Variants in ATP6V1G2 observed in about 807,000 individuals in gnomAD.
ATP6V1G2 encodes ATPase H+ transporting V1 subunit G2.
A neutral mutation model predicts 17.8 loss-of-function variants in ATP6V1G2; 14 were observed. The ratio of observed to expected loss-of-function variants is 0.79; its 90% CI spans 0.52 to 1.23. The LOEUF is 1.23. ATP6V1G2 is among the 50% of genes most tolerant of loss of function. ATP6V1G2 has a pLI of 0.00. For synonymous variants in ATP6V1G2, 57 were observed against 54.8 expected (o/e 1.04, Z -0.17); for missense variants, 112 against 152.2 (o/e 0.74, Z 1.39).
chr6:31,546,719 C>G (rs1769032201), upstream of ATP6V1G2: 1 of 630,104 alleles, frequency 1.6e-6, no homozygotes, highest in Non-Finnish European at 2.8e-6. This position sits in a 1 kb window ranked among gnomAD's most constrained non-coding sequence, Gnocchi z 4.1. Context: ...CACCGAGTGT[C>G]TCTCCCAATC....
chr6:31,546,252 C>T lies in ATP6V1G2; in HGVS notation c.83-43G>A, dbSNP rs1429744953. ...GACAGTGAGTGGGGATGGACCCACA[C>T]ACACACAATGTAATAGCAGGAGTCA... On this transcript the variant is annotated intron_variant, in intron 1 of 2. Coordinates refer to ENST00000303892, the MANE Select transcript of ATP6V1G2 (RefSeq NM_130463.4). This position sits in a 1 kb window ranked among gnomAD's most constrained non-coding sequence, Gnocchi z 4.1. 8 of 1,560,900 alleles carry T rather than the reference C, an allele frequency of 5.1e-6. No homozygotes were observed. Among genetic ancestry groups the T allele is most frequent in the Non-Finnish European group, 6.2e-6 (7 of 1,133,250 alleles).
rs1768924090 is a variant in ATP6V1G2 at position 31,545,698 on chromosome 6, A to G, written c.184-117T>C. The G allele has an allele frequency of 8.8e-7, 1 of 1,132,026 alleles. No individual in the cohort carries two copies. The highest frequency in any genetic ancestry group is 1.6e-5 in the African/African-American group (1 of 63,776). The allele number at this position is 1,132,026 out of a possible 1,614,324, so 70.1% of individuals were successfully genotyped here. Reference sequence around the variant, plus strand: ...GCCTAGAAGAAAGGCCCTCTCAGAAACCACCCCCATCCCACAGAAATATCC... The same window carrying G: ...GCCTAGAAGAAAGGCCCTCTCAGAAGCCACCCCCATCCCACAGAAATATCC... On this transcript the variant is annotated intron_variant, in intron 2 of 2. Transcript: ENST00000303892. The surrounding 1 kb of genome is among the most constrained non-coding windows in gnomAD (Gnocchi z 4.9).
chr6:31,546,598 A>G lies in ATP6V1G2; in HGVS notation c.-39T>C, dbSNP rs912754704. ...GCCGATGCTGTTTTGAATGCTGTCA[A>G]AGTACCAGATGGCTCCCACCCCCCA... On this transcript the variant is annotated 5_prime_UTR_variant, in exon 1 of 3. Transcript: ENST00000303892. The surrounding 1 kb of genome is among the most constrained non-coding windows in gnomAD (Gnocchi z 4.1). 6.3e-7 allele frequency: 1 copy of G among 1,588,832 alleles called. No homozygotes were observed.
chr6:31,545,944 C>T lies in ATP6V1G2; in HGVS notation c.183+165G>A. ...GTGGCCTTCAAAACTCCCAGACTCTCCTACATATCATCACAAAGTTTCACC... is the reference window on the plus strand; with the variant it reads ...GTGGCCTTCAAAACTCCCAGACTCTTCTACATATCATCACAAAGTTTCACC... On this transcript the variant is annotated intron_variant, in intron 2 of 2. Coordinates refer to ENST00000303892, the MANE Select transcript of ATP6V1G2 (RefSeq NM_130463.4). This position sits in a 1 kb window ranked among gnomAD's most constrained non-coding sequence, Gnocchi z 4.9. The T allele has an allele frequency of 1.4e-6, 1 of 700,738 alleles. No homozygotes were observed. Among genetic ancestry groups the T allele is most frequent in the Non-Finnish European group, 2.5e-6 (1 of 399,862 alleles). 43.4% of individuals were successfully genotyped at this position (700,738 alleles called of 1,614,324 possible). A position where few individuals can be genotyped will look rare whatever the true frequency, so the allele number is the denominator to read the frequency against.
chr6:31,546,734 C>A, upstream of ATP6V1G2: 1 of 616,986 alleles, frequency 1.6e-6, no homozygotes, highest in South Asian at 1.9e-5. This position sits in a 1 kb window ranked among gnomAD's most constrained non-coding sequence, Gnocchi z 4.1. Flanking sequence ...CCAATCTCAT[C>A]CTCCTATTGA....
Position 31,546,037 on chromosome 6 carries a change from A to T in ATP6V1G2, c.183+72T>A. 6.8e-7 allele frequency: 1 copy of T among 1,461,638 alleles called. No homozygotes were observed. Among genetic ancestry groups the T allele is most frequent in the Non-Finnish European group, 9.6e-7 (1 of 1,041,986 alleles). 90.5% of individuals were successfully genotyped at this position (1,461,638 alleles called of 1,614,324 possible). On this transcript the variant is annotated intron_variant, in intron 2 of 2. Transcript: ENST00000303892. The surrounding 1 kb of genome is among the most constrained non-coding windows in gnomAD (Gnocchi z 4.1). ...TGCCACCATATTTTCTTGTTGAGTC[A>T]CCCTTACACACCTCACTAGATGCAC...
At position 31,544,708 on chromosome 6, in the gene ATP6V1G2, A is replaced by AT. The variant is rs776555857; in HGVS notation, c.*699_*700insA. Reference sequence around the variant, plus strand: ...AATGCAGTTATCTACCTGGAATTATAAGAGAGGGGCTAAATGTAGTCATCT... The same window carrying AT: ...AATGCAGTTATCTACCTGGAATTATATAGAGAGGGGCTAAATGTAGTCATCT... On this transcript the variant is annotated 3_prime_UTR_variant, in exon 3 of 3. Transcript: ENST00000303892. 45 of 456,628 alleles carry AT rather than the reference A, an allele frequency of 9.9e-5. No individual in the cohort carries two copies. Among genetic ancestry groups the AT allele is most frequent in the Non-Finnish European group, 1.9e-4 (42 of 226,972 alleles). The allele number at this position is 456,628 out of a possible 1,614,324, so 28.3% of individuals were successfully genotyped here.
Position 31,544,943 on chromosome 6 carries a change from G to C in ATP6V1G2, c.*465C>G, listed in dbSNP as rs2071594. ...TCACTGCTACAACATGCAAGGAACT[G>C]TGCTAGACTTTACAGAATGATTCCT... On this transcript the variant is annotated 3_prime_UTR_variant, in exon 3 of 3. Transcript: ENST00000303892. 0.36 allele frequency: 129,686 copies of C among 360,030 alleles called. 24,205 individuals carry two copies. Among genetic ancestry groups the C allele is most frequent in the African/African-American group, 0.5 (23,609 of 46,982 alleles). 22.3% of individuals were successfully genotyped at this position (360,030 alleles called of 1,614,324 possible).
chr6:31,545,821 A>T lies in ATP6V1G2; in HGVS notation c.184-240T>A, dbSNP rs989180003. ...TAATATCCCCACCACCTCACCATCC[A>T]TGACCATAAAACTCTACCCTCCACC... On this transcript the variant is annotated intron_variant, in intron 2 of 2. Transcript: ENST00000303892. This position sits in a 1 kb window ranked among gnomAD's most constrained non-coding sequence, Gnocchi z 4.9. The T allele has an allele frequency of 1.6e-6, 1 of 614,986 alleles. No individual in the cohort carries two copies. The highest frequency in any genetic ancestry group is 2.9e-5 in the Admixed American group (1 of 34,034). 38.1% of individuals were successfully genotyped at this position (614,986 alleles called of 1,614,324 possible).
chr6:31,546,591 G>A lies in ATP6V1G2; in HGVS notation c.-32C>T. The A allele has an allele frequency of 6.3e-7, 1 of 1,599,480 alleles. No homozygotes were observed. ...TGTTATGGCCGATGCTGTTTTGAAT[G>A]CTGTCAAAGTACCAGATGGCTCCCA... On this transcript the variant is annotated 5_prime_UTR_variant, in exon 1 of 3. Transcript: ENST00000303892. This position sits in a 1 kb window ranked among gnomAD's most constrained non-coding sequence, Gnocchi z 4.1.
At chr6:31,546,690 C>A, upstream of ATP6V1G2, 3 of 757,924 alleles carry the variant, frequency 4.0e-6, no homozygotes, top group Admixed American at 6.3e-5. This position sits in a 1 kb window ranked among gnomAD's most constrained non-coding sequence, Gnocchi z 4.1. Flanking sequence ...TAGTGCTCCC[C>A]TGCTCACTCA....
Position 31,545,095 on chromosome 6 carries a change from AG to A in ATP6V1G2, c.*312del, listed in dbSNP as rs1562437829. On this transcript the variant is annotated 3_prime_UTR_variant, in exon 3 of 3. Transcript: ENST00000303892. This position sits in a 1 kb window ranked among gnomAD's most constrained non-coding sequence, Gnocchi z 4.9. ...AGCCAGCAAGTGACAGGGTCAAGAG[AG>A]GGACCCACATCGGCCAGACACTGAA... is the stretch of plus-strand genomic sequence containing the variant. 4.1e-6 allele frequency: 2 copies of A among 493,180 alleles called. No individual in the cohort carries two copies. Among genetic ancestry groups the A allele is most frequent in the African/African-American group, 3.8e-5 (2 of 52,076 alleles). The allele number at this position is 493,180 out of a possible 1,614,324, so 30.6% of individuals were successfully genotyped here.
In ATP6V1G2 at chr6:31,545,668, A is replaced by G; in HGVS notation, c.184-87T>C. 7.0e-7 allele frequency: 1 copy of G among 1,430,850 alleles called. No individual in the cohort carries two copies. The highest frequency in any genetic ancestry group is 9.4e-7 in the Non-Finnish European group (1 of 1,068,752). 88.6% of individuals were successfully genotyped at this position (1,430,850 alleles called of 1,614,324 possible). On this transcript the variant is annotated intron_variant, in intron 2 of 2. Transcript: ENST00000303892. The surrounding 1 kb of genome is among the most constrained non-coding windows in gnomAD (Gnocchi z 4.9). ...GGCATATGAGGGGAAAGATCCTGAA[A>G]CAAAGCCTAGAAGAAAGGCCCTCTC... is the stretch of plus-strand genomic sequence containing the variant.
In ATP6V1G2 at chr6:31,545,972, T is replaced by C; in HGVS notation, c.183+137A>G. 1.2e-6 allele frequency: 1 copy of C among 814,540 alleles called. No homozygotes were observed. Among genetic ancestry groups the C allele is most frequent in the South Asian group, 1.5e-5 (1 of 66,496 alleles). 50.5% of individuals were successfully genotyped at this position (814,540 alleles called of 1,614,324 possible). On this transcript the variant is annotated intron_variant, in intron 2 of 2. Coordinates refer to ENST00000303892, the MANE Select transcript of ATP6V1G2 (RefSeq NM_130463.4). The surrounding 1 kb of genome is among the most constrained non-coding windows in gnomAD (Gnocchi z 4.9). ...ACATATCATCACAAAGTTTCACCAA[T>C]GTTGTGGTCCCTGCCAGGGTCCCCT...
rs1429660183 is a variant in ATP6V1G2 at position 31,545,494 on chromosome 6, T to C, written c.271A>G (p.Asn91Asp). 6.2e-7 allele frequency: 1 copy of C among 1,613,956 alleles called. No individual in the cohort carries two copies. Among genetic ancestry groups the C allele is most frequent in the East Asian group, 2.2e-5 (1 of 44,892 alleles). ...AGCTGGGCCAGGACACGCTCTCGGTTTCTCTGCTGGGAGCTCTGCATGCCC... is the reference window on the plus strand; with the variant it reads ...AGCTGGGCCAGGACACGCTCTCGGTCTCTCTGCTGGGAGCTCTGCATGCCC... The part of the protein sequence containing the change: ...VQGMQSSQQR[N>D]RERVLAQLLG... The change falls in exon 3 of 3, where the codon AAC becomes GAC. Residue 91 changes from asparagine to aspartate, a missense_variant. Physicochemically the swap from Asn to Asp is conservative, Grantham distance 23 (BLOSUM62 1). Coordinates refer to ENST00000303892, the MANE Select transcript of ATP6V1G2 (RefSeq NM_130463.4). The surrounding 1 kb of genome is among the most constrained non-coding windows in gnomAD (Gnocchi z 4.9).
chr6:31,544,973 A>C lies in ATP6V1G2; in HGVS notation c.*435T>G. 1 of 347,984 alleles carries C rather than the reference A, an allele frequency of 2.9e-6. No homozygotes were observed. Among genetic ancestry groups the C allele is most frequent in the East Asian group, 7.2e-5 (1 of 13,972 alleles). 21.6% of individuals were successfully genotyped at this position (347,984 alleles called of 1,614,324 possible). A position where few individuals can be genotyped will look rare whatever the true frequency, so the allele number is the denominator to read the frequency against. On this transcript the variant is annotated 3_prime_UTR_variant, in exon 3 of 3. Coordinates refer to ENST00000303892, the MANE Select transcript of ATP6V1G2 (RefSeq NM_130463.4). ...AGACTTTACAGAATGATTCCTAATC[A>C]TTGAAGCAACCCTCACAAGGTAGGC...
At position 31,544,580 on chromosome 6, in the gene ATP6V1G2, C is replaced by A; in HGVS notation, c.*828G>T. 1 of 393,796 alleles carries A rather than the reference C, an allele frequency of 2.5e-6. No individual in the cohort carries two copies. The highest frequency in any genetic ancestry group is 1.8e-5 in the South Asian group (1 of 54,154). 24.4% of individuals were successfully genotyped at this position (393,796 alleles called of 1,614,324 possible). On this transcript the variant is annotated 3_prime_UTR_variant, in exon 3 of 3. Coordinates refer to ENST00000303892, the MANE Select transcript of ATP6V1G2 (RefSeq NM_130463.4). ...GAGGGAACACAGTATCATTTTAGAT[C>A]TTAGAAAGCAATGAGCATCTGATAA...
chr6:31,544,976 G>A lies in ATP6V1G2; in HGVS notation c.*432C>T. ...CTTTACAGAATGATTCCTAATCATT[G>A]AAGCAACCCTCACAAGGTAGGCATT... is the stretch of plus-strand genomic sequence containing the variant. On this transcript the variant is annotated 3_prime_UTR_variant, in exon 3 of 3. Coordinates refer to ENST00000303892, the MANE Select transcript of ATP6V1G2 (RefSeq NM_130463.4). 2 of 347,258 alleles carry A rather than the reference G, an allele frequency of 5.8e-6. No homozygotes were observed. Among genetic ancestry groups the A allele is most frequent in the Non-Finnish European group, 1.1e-5 (2 of 177,492 alleles). 21.5% of individuals were successfully genotyped at this position (347,258 alleles called of 1,614,324 possible).
In ATP6V1G2 at chr6:31,546,566, T is replaced by A; in HGVS notation, c.-7A>T. On this transcript the variant is annotated 5_prime_UTR_variant, in exon 1 of 3. Coordinates refer to ENST00000303892, the MANE Select transcript of ATP6V1G2 (RefSeq NM_130463.4). The surrounding 1 kb of genome is among the most constrained non-coding windows in gnomAD (Gnocchi z 4.1). Reference sequence around the variant, plus strand: ...CTTGGGACTGACTGGCCATTTCTGTTGTTATGGCCGATGCTGTTTTGAATG... The same window carrying A: ...CTTGGGACTGACTGGCCATTTCTGTAGTTATGGCCGATGCTGTTTTGAATG... The A allele has an allele frequency of 6.2e-7, 1 of 1,612,938 alleles. No individual in the cohort carries two copies. Among genetic ancestry groups the A allele is most frequent in the African/African-American group, 1.3e-5 (1 of 75,010 alleles).
Sources: gnomAD v4.1 joint callset for allele counts on GRCh38, gnomAD v4.1.1 for gene constraint, Gnocchi (gnomAD v3.1) non-coding constraint, MANE v1.5 for transcripts, NCBI Gene and HGNC (gene_info 2026-07-23, HGNC 2026-07-21) for gene names.